The following CDK5RAP1 variants were observed in gnomAD, a reference collection of about 807,000 sequenced individuals.
CDK5RAP1 encodes mitochondrial tRNA methylthiotransferase CDK5RAP1.
CDK5RAP1 carries 62 observed loss-of-function variants against 64.5 expected under a neutral mutation model. That is an observed-to-expected ratio of 0.96 (90% CI 0.78 to 1.19). The LOEUF (loss-of-function observed/expected upper bound fraction) is 1.19, where lower values mean the gene tolerates loss of function less well. Among genes scored for constraint, CDK5RAP1 ranks in the 50% most tolerant of loss-of-function variants. The pLI, the probability that CDK5RAP1 is intolerant of heterozygous loss-of-function variation, is 0.00. For missense variants in CDK5RAP1, 657 were observed against 735.0 expected (o/e 0.89, Z 1.23); for synonymous variants, 250 against 261.9 (o/e 0.95, Z 0.44).
Position 33,379,642 on chromosome 20 carries a change from TC to T in CDK5RAP1, c.925del (p.Asp309ThrfsTer42). 1 of 1,614,146 alleles carries T rather than the reference TC, an allele frequency of 6.2e-7. No individual in the cohort carries two copies. The highest frequency in any genetic ancestry group is 8.5e-7 in the Non-Finnish European group (1 of 1,180,008). On this transcript the variant is annotated frameshift_variant, in exon 8 of 14. Transcript: ENST00000346416. LOFTEE classifies it high-confidence loss of function. ...ACTGTTGAACTGGACCTCCGAATTGTCCCGAAAACTATTAACATTCTGACCA... is the reference window on the plus strand; with the variant it reads ...ACTGTTGAACTGGACCTCCGAATTGTCCGAAAACTATTAACATTCTGACCA... Reference protein sequence around the residue: ...LLGQNVNSFRDNSEVQFNSAV... With the variant: ...LLGQNVNSFRXNSEVQFNSAV...
intron 6 of CDK5RAP1, among the ~76,000 whole-genome samples, chr20:33,386,341 C>T (rs946381641): frequency 6.6e-6 from 1 of 152,174 alleles, no homozygotes; most frequent in Admixed American, 6.6e-5. Context: ...GGATTACAGG[C>T]GTGAGCCACT....
intron 5 of CDK5RAP1, among the ~76,000 whole-genome samples, chr20:33,391,080 C>G (rs1327085618): frequency 6.6e-6 from 1 of 151,784 alleles, no homozygotes; most frequent in East Asian, 1.9e-4. Context: ...ATAGCAAGAC[C>G]CTGTTTCTAC....
At position 33,396,811 on chromosome 20, in the gene CDK5RAP1, T is replaced by G; in HGVS notation, c.254A>C (p.Asp85Ala). The G allele has an allele frequency of 6.2e-7, 1 of 1,614,026 alleles. No homozygotes were observed. The highest frequency in any genetic ancestry group is 8.5e-7 in the Non-Finnish European group (1 of 1,180,006). The change falls in exon 2 of 14, where the codon GAC (aspartate) becomes GCC (alanine). Residue 85 changes from aspartate (D) to alanine (A), a missense_variant. Coordinates refer to ENST00000346416, the MANE Select transcript of CDK5RAP1 (RefSeq NM_016408.4). ...PQEKLSSEVEDPPPYLMMDEL... is the reference protein window; with the variant it reads ...PQEKLSSEVEAPPPYLMMDEL... ...ATCCATCATGAGATAGGGAGGTGGG[T>G]CTTCCACTTCTGAAGACAGCTTCTC...
chr20:33,380,105 T>C (rs1185134311), intron 7 of CDK5RAP1, among the ~76,000 whole-genome samples: 4 of 152,176 alleles, frequency 2.6e-5, no homozygotes, highest in African/African-American at 9.7e-5. Flanking sequence ...TTCACAGAGA[T>C]ATATTAAATG....
intron 7 of CDK5RAP1, among the ~76,000 whole-genome samples, chr20:33,382,451 C>A (rs1411774862): frequency 1.3e-5 from 2 of 152,240 alleles, no homozygotes; most frequent in Admixed American, 6.5e-5. Flanking sequence ...GAGGCCAAGG[C>A]GGGTAGATCA....
At position 33,392,139 on chromosome 20, in the gene CDK5RAP1, T is replaced by C; in HGVS notation, c.544+3A>G. 1.3e-6 allele frequency: 2 copies of C among 1,583,314 alleles called. No homozygotes were observed. The highest frequency in any genetic ancestry group is 2.2e-5 in the East Asian group (1 of 44,732). On this transcript the variant is annotated splice_donor_region_variant and intron_variant, in intron 5 of 13. Transcript: ENST00000346416. ...CTGACAAAATGTGCAAATTACCAGA[T>C]ACCTAGAATTCCAATCCTCAGAGGA...
intron 12 of CDK5RAP1, among the ~76,000 whole-genome samples, chr20:33,362,091 G>A (rs1185427029): frequency 1.3e-5 from 2 of 151,800 alleles, no homozygotes; most frequent in African/African-American, 2.4e-5. Flanking sequence ...AAGAGGAAGC[G>A]GAGCAAAAAA....
Position 33,389,732 on chromosome 20 carries a change from CATGATGA to C in CDK5RAP1, c.545-2206_545-2200del, listed in dbSNP as rs1297039006. 3.8e-4 allele frequency among the ~76,000 whole-genome samples: 58 copies of C among 152,290 alleles called. 1 individual carries two copies. Among genetic ancestry groups the C allele is most frequent in the African/African-American group, 1.2e-3 (51 of 41,562 alleles). ...ACACAACAGCTCATTGAGAACAGACCATGATGACGATGGCGGTTTTGTTGAATAGAAA... is the reference window on the plus strand; with the variant it reads ...ACACAACAGCTCATTGAGAACAGACCCGATGGCGGTTTTGTTGAATAGAAA... On this transcript the variant is annotated intron_variant, in intron 5 of 13. Coordinates refer to ENST00000346416, the MANE Select transcript of CDK5RAP1 (RefSeq NM_016408.4).
chr20:33,363,039 G>A (rs291671), intron 12 of CDK5RAP1, among the ~76,000 whole-genome samples: 139,070 of 152,288 alleles, frequency 0.91, 63,682 homozygotes, highest in African/African-American at 0.96. Context: ...TTCAAAGTTA[G>A]CATCATCAGT....
At chr20:33,378,506 G>T (rs981919719) in intron 8 of CDK5RAP1, among the ~76,000 whole-genome samples, 3 of 152,284 alleles carry the variant, frequency 2.0e-5, no homozygotes, top group South Asian at 2.1e-4. Flanking sequence ...AGCACATGCT[G>T]TTGGAAAAAT....
chr20:33,361,943 G>A (rs1341485023), intron 12 of CDK5RAP1, among the ~76,000 whole-genome samples: 2 of 123,424 alleles, frequency 1.6e-5, no homozygotes, highest in Admixed American at 1.9e-4. Flanking sequence ...GCAACAGAGT[G>A]AGCCTCAGTC....
chr20:33,362,525 G>A (rs1445841425), intron 12 of CDK5RAP1, among the ~76,000 whole-genome samples: 7 of 152,208 alleles, frequency 4.6e-5, no homozygotes, highest in Non-Finnish European at 8.8e-5. Flanking sequence ...ACGATGCCCA[G>A]TGGAAACGTG....
In CDK5RAP1 at chr20:33,359,140, CAGA is replaced by C. The variant is rs769660912; in HGVS notation, c.1684-20_1684-18del. The stretch of plus-strand genomic sequence containing the variant: ...TGAGGTGATCTGAAAGAAAACCAGG[CAGA>C]AGAAGGCAAAATAACTAGGACTGTA... On this transcript the variant is annotated intron_variant, in intron 13 of 13. Transcript: ENST00000346416. The C allele has an allele frequency of 8.8e-6, 14 of 1,584,954 alleles. No homozygotes were observed. Among genetic ancestry groups the C allele is most frequent in the South Asian group, 2.2e-5 (2 of 90,408 alleles).
chr20:33,383,222 T>C (rs1025710773), intron 7 of CDK5RAP1, among the ~76,000 whole-genome samples: 2 of 152,058 alleles, frequency 1.3e-5, no homozygotes, highest in African/African-American at 4.8e-5. Context: ...GATTTTTAAA[T>C]GTTTAAAAAA....
In CDK5RAP1 at chr20:33,397,087, G is replaced by A. The variant is rs1372177073; in HGVS notation, c.-20-3C>T. 2 of 1,570,866 alleles carry A rather than the reference G, an allele frequency of 1.3e-6. No homozygotes were observed. The highest frequency in any genetic ancestry group is 4.5e-5 in the East Asian group (2 of 44,372). On this transcript the variant is annotated splice_region_variant and splice_polypyrimidine_tract_variant and intron_variant, in intron 1 of 13. Coordinates refer to ENST00000346416, the MANE Select transcript of CDK5RAP1 (RefSeq NM_016408.4). ...CATGGCACTAAACAGCCCACAGTCT[G>A]CAAAAGAATGACAGACATCACCAGC...
At chr20:33,382,930 T>C (rs1385872873) in intron 7 of CDK5RAP1, among the ~76,000 whole-genome samples, 4 of 151,738 alleles carry the variant, frequency 2.6e-5, no homozygotes, top group African/African-American at 9.7e-5. Context: ...CCTGTAATCC[T>C]AGCCCTTTGG....
intron 5 of CDK5RAP1, among the ~76,000 whole-genome samples, chr20:33,389,928 C>T (rs898317601): frequency 7.2e-6 from 1 of 138,576 alleles, no homozygotes; most frequent in African/African-American, 2.7e-5. Context: ...ACTACATATA[C>T]ACAATGGAAT....
At chr20:33,397,333 G>A (rs1638549084) in intron 1 of CDK5RAP1, among the ~76,000 whole-genome samples, 1 of 152,228 alleles carries the variant, frequency 6.6e-6, no homozygotes, top group African/African-American at 2.4e-5. Context: ...GTAGAGATGA[G>A]ATGGAAAGCC....
chr20:33,387,298 C>T, intron 6 of CDK5RAP1, 25 bp downstream of exon 6: 1 of 1,559,620 alleles, frequency 6.4e-7, no homozygotes, highest in Non-Finnish European at 8.8e-7. Context: ...GAGGCTTATT[C>T]CCTATCTCTT....
Sources: gnomAD v4.1 joint callset for allele counts (sites outside exome capture counted in the v4.1 genomes callset) on GRCh38, gnomAD v4.1.1 for gene constraint, MANE v1.5 for transcripts, NCBI Gene and HGNC (gene_info 2026-07-23, HGNC 2026-07-21) for gene names.